The following LRIG3 variants were observed in gnomAD, a reference collection of about 807,000 sequenced individuals.
The protein encoded by LRIG3 is leucine-rich repeats and immunoglobulin-like domains protein 3.
Under a neutral mutation model 114.5 loss-of-function variants are expected in LRIG3, and 76 were observed. The observed-to-expected ratio is 0.66, with a 90% CI of 0.55 to 0.80. The LOEUF (loss-of-function observed/expected upper bound fraction) is 0.80. LRIG3 is among the 30% of genes least tolerant of loss of function. LRIG3 has a pLI of 0.00. For synonymous variants in LRIG3, 512 were observed against 519.8 expected (o/e 0.98, Z 0.20); for missense variants, 1,239 against 1,382.8 (o/e 0.90, Z 1.65).
chr12:58,904,389 T>G (rs184128436), intron 3 of LRIG3, among the ~76,000 whole-genome samples: 34 of 152,322 alleles, frequency 2.2e-4, no homozygotes, highest in Middle Eastern at 3.4e-3. Context: ...AAGTCTCCTT[T>G]TGGCACAGAG....
At chr12:58,876,362 C>T in intron 16 of LRIG3, 83 bp downstream of exon 16, 1 of 1,460,662 alleles carries the variant, frequency 6.8e-7, no homozygotes, top group Non-Finnish European at 9.3e-7. Flanking sequence ...TTATCAATGT[C>T]TTGTGAAAAT....
At chr12:58,890,267 T>C in intron 4 of LRIG3, 128 bp from the exon 5 acceptor site, 1 of 1,007,380 alleles carries the variant, frequency 9.9e-7, no homozygotes, top group Non-Finnish European at 1.4e-6. Flanking sequence ...AATTACTTTT[T>C]AGGTCCTCAA....
At chr12:58,913,665 T>A (rs2291799) in intron 3 of LRIG3, 1 of 215,038 alleles carries the variant, frequency 4.7e-6, no homozygotes, top group Non-Finnish European at 9.1e-6. Context: ...TGAGCGATAC[T>A]AAAATTAAAG....
intron 3 of LRIG3, among the ~76,000 whole-genome samples, chr12:58,910,426 G>A (rs1377068172): frequency 1.3e-5 from 2 of 152,060 alleles, no homozygotes; most frequent in Non-Finnish European, 1.5e-5. Flanking sequence ...TGGCTAACAC[G>A]GTGAAACCCC....
chr12:58,895,280 C>CG (rs2120929914), intron 3 of LRIG3, among the ~76,000 whole-genome samples: 2 of 152,076 alleles, frequency 1.3e-5, no homozygotes, highest in East Asian at 3.9e-4. Context: ...GTAAGTGCAG[C>CG]GACAGGAAAG....
chr12:58,880,970 G>C (rs1419818063), intron 12 of LRIG3, 69 bp from the exon 13 acceptor site: 12 of 1,437,738 alleles, frequency 8.3e-6, no homozygotes, highest in Non-Finnish European at 1.1e-5. Context: ...ACTCAAATTT[G>C]AACACCAAGA....
intron 3 of LRIG3, among the ~76,000 whole-genome samples, chr12:58,903,342 T>C (rs1216064952): frequency 6.6e-6 from 1 of 152,212 alleles, no homozygotes; most frequent in Non-Finnish European, 1.5e-5. Flanking sequence ...CATTTTTTCA[T>C]GTCTTTTGGC....
At chr12:58,905,768 C>T (rs1872041075) in intron 3 of LRIG3, among the ~76,000 whole-genome samples, 1 of 152,182 alleles carries the variant, frequency 6.6e-6, no homozygotes, top group Non-Finnish European at 1.5e-5. Flanking sequence ...CCCCTTGACA[C>T]AAGATGCCCT....
At chr12:58,893,012 T>C (rs1430983003) in intron 3 of LRIG3, among the ~76,000 whole-genome samples, 3 of 152,214 alleles carry the variant, frequency 2.0e-5, no homozygotes, top group African/African-American at 4.8e-5. Context: ...CCCTGGCTCA[T>C]TGAGCCATCA....
chr12:58,888,137 A>G (rs1592299172), intron 7 of LRIG3, among the ~76,000 whole-genome samples, 192 bp downstream of exon 7: 1 of 152,234 alleles, frequency 6.6e-6, no homozygotes, highest in Non-Finnish European at 1.5e-5. Flanking sequence ...GCTTTTGCCA[A>G]CGTGACATAG....
intron 3 of LRIG3, among the ~76,000 whole-genome samples, chr12:58,901,782 T>C (rs181017532): frequency 6.6e-6 from 1 of 152,280 alleles, no homozygotes. Flanking sequence ...TGCTGAAGGG[T>C]AGACCTCTGC....
In LRIG3 at chr12:58,874,296, G is replaced by A; in HGVS notation, c.2874C>T (p.Asp958=). The change falls in exon 18 of 19, where the codon GAC becomes GAT. Residue 958 remains aspartate (D), a synonymous_variant. Transcript: ENST00000320743. ...TCTTTATGTAACTGGGCTCATAGTG[G>A]TCCATTAAAACTGTTCTTGGGTCAG... The part of the protein sequence containing the change: ...CSPDPRTVLM[D]HYEPSYIKKK... 1 of 1,613,304 alleles carries A rather than the reference G, an allele frequency of 6.2e-7. No homozygotes were observed. The highest frequency in any genetic ancestry group is 8.5e-7 in the Non-Finnish European group (1 of 1,179,750).
rs950643019 is a variant in LRIG3, at chr12:58,874,238, C to T, written c.2932G>A (p.Glu978Lys). ...CTGAAGCTCCGTTCGCAGGATTCTT[C>T]TGAAGGATGAGAACATGGGTAGCAC... ...KECYPCSHPS[E>K]ESCERSFSNI... is the part of the protein sequence containing the mutation. Residue 978 changes from glutamate to lysine, a missense_variant, in exon 18 of 19, where the codon GAA becomes AAA. Physicochemically the swap from Glu to Lys is moderately conservative, Grantham distance 56. Coordinates refer to ENST00000320743, the MANE Select transcript of LRIG3 (RefSeq NM_153377.5). 4.3e-6 allele frequency: 7 copies of T among 1,614,060 alleles called. No homozygotes were observed. In the Admixed American group the frequency reaches 5.0e-5, roughly 12 times the overall value.
Position 58,888,805 on chromosome 12 carries a change from T to C in LRIG3, c.803+14A>G. 6.2e-7 allele frequency: 1 copy of C among 1,613,060 alleles called. No homozygotes were observed. Among genetic ancestry groups the C allele is most frequent in the South Asian group, 1.1e-5 (1 of 90,952 alleles). On this transcript the variant is annotated intron_variant, in intron 6 of 18. Coordinates refer to ENST00000320743, the MANE Select transcript of LRIG3 (RefSeq NM_153377.5). ...CATACTACCTCAGTAGGAACTGTGA[T>C]AACCCACACTTACAAAATTTCCATG...
chr12:58,880,177 TC>T (rs1305596012), intron 13 of LRIG3, among the ~76,000 whole-genome samples: 1 of 151,930 alleles, frequency 6.6e-6, no homozygotes, highest in Non-Finnish European at 1.5e-5. Context: ...ACGCCTGTAA[TC>T]CCAGCTACTC....
At chr12:58,900,431 CT>C (rs138409645) in intron 3 of LRIG3, among the ~76,000 whole-genome samples, 1 of 152,012 alleles carries the variant, frequency 6.6e-6, no homozygotes, top group Non-Finnish European at 1.5e-5. Context: ...TTGGTATGCA[CT>C]TTTTATTCTT....
intron 15 of LRIG3, 44 bp from the exon 16 acceptor site, chr12:58,876,647 A>G: frequency 6.2e-7 from 1 of 1,607,112 alleles, no homozygotes; most frequent in Non-Finnish European, 8.5e-7. Context: ...GATGATCGTT[A>G]ATTGTCCCAC....
intron 3 of LRIG3, among the ~76,000 whole-genome samples, chr12:58,904,176 C>A (rs1039850748): frequency 1.3e-5 from 2 of 152,050 alleles, no homozygotes; most frequent in Admixed American, 1.3e-4. Flanking sequence ...GGTGGTACTG[C>A]TAGAGCTCTG....
Position 58,890,567 on chromosome 12 carries a change from C to T in LRIG3, c.515+98G>A, listed in dbSNP as rs1871422033. The T allele has an allele frequency of 2.1e-5, 24 of 1,119,704 alleles. No homozygotes were observed. In the South Asian group the frequency reaches 3.7e-4, roughly 17 times the overall value. The allele number at this position is 1,119,704 out of a possible 1,614,324, so 69.4% of individuals were successfully genotyped here. A position where few individuals can be genotyped will look rare whatever the true frequency, so the allele number is the denominator to read the frequency against. On this transcript the variant is annotated intron_variant, in intron 4 of 18. Coordinates refer to ENST00000320743, the MANE Select transcript of LRIG3 (RefSeq NM_153377.5). The stretch of plus-strand genomic sequence containing the variant: ...AAGTCAATAAATTATACTTTCAATC[C>T]ATCAGTAGTAAAGTAGACAAAGTTT...
Sources: gnomAD v4.1 joint callset for allele counts (sites outside exome capture counted in the v4.1 genomes callset) on GRCh38, gnomAD v4.1.1 for gene constraint, MANE v1.5 for transcripts, NCBI Gene and HGNC (gene_info 2026-07-23, HGNC 2026-07-21) for gene names.